The following NBEAL1 variants were observed in gnomAD, a reference collection of about 807,000 sequenced individuals.
The protein encoded by NBEAL1 is neurobeachin like 1.
Under a neutral mutation model 351.3 loss-of-function variants are expected in NBEAL1, and 273 were observed. The ratio of observed to expected loss-of-function variants is 0.78; its 90% CI spans 0.70 to 0.86. The LOEUF is 0.86. Ranked by LOEUF, NBEAL1 falls within the 40% of genes least tolerant of loss-of-function variation. The pLI, the probability that NBEAL1 is intolerant of heterozygous loss-of-function variation, is 0.00. For synonymous variants in NBEAL1, 1,050 were observed against 1,086.4 expected (o/e 0.97, Z 0.66); for missense variants, 2,961 against 3,201.3 (o/e 0.92, Z 1.81).
intron 36 of NBEAL1, among the ~76,000 whole-genome samples, chr2:203,162,181 G>A (rs913068124): frequency 1.3e-5 from 2 of 151,426 alleles, no homozygotes. Flanking sequence ...GTGCCACTAC[G>A]CCCAGCTAAT....
intron 50 of NBEAL1, among the ~76,000 whole-genome samples, chr2:203,202,248 A>G (rs952802437): frequency 2.0e-5 from 3 of 152,210 alleles, no homozygotes; most frequent in African/African-American, 7.2e-5. Context: ...TCTGCAGTTT[A>G]GGAAAAATAT....
Position 203,056,466 on chromosome 2 carries a change from C to T in NBEAL1, c.345C>T (p.Tyr115=). ...SNVEEIGTCS[Y]INYVITMTTL... ...TGGAAGAAATTGGGACTTGCTCGTA[C>T]ATTAATTATGTCATCACCATGACAA... Residue 115 remains tyrosine (Y), a synonymous_variant, in exon 5 of 56, where the codon TAC becomes TAT. Coordinates refer to ENST00000683969, the MANE Select transcript of NBEAL1 (RefSeq NM_001378026.1). The T allele has an allele frequency of 6.4e-7, 1 of 1,550,830 alleles. No individual in the cohort carries two copies. The highest frequency in any genetic ancestry group is 8.7e-7 in the Non-Finnish European group (1 of 1,144,416).
Position 203,202,792 on chromosome 2 carries a change from A to T in NBEAL1, c.7506+11A>T, listed in dbSNP as rs762803340. ...CAAATAACACAACAGGTAGTCACAC[A>T]TTTAAATGTTCTTGAATTAGGTCAG... On this transcript the variant is annotated intron_variant, in intron 51 of 55. Transcript: ENST00000683969. The T allele has an allele frequency of 1.4e-6, 2 of 1,450,984 alleles. No individual in the cohort carries two copies. The highest frequency in any genetic ancestry group is 2.3e-5 in the South Asian group (2 of 86,530). 89.9% of individuals were successfully genotyped at this position (1,450,984 alleles called of 1,614,324 possible).
At chr2:203,154,899 C>A (rs533487005) in intron 35 of NBEAL1, among the ~76,000 whole-genome samples, 1 of 142,764 alleles carries the variant, frequency 7.0e-6, no homozygotes, top group Non-Finnish European at 1.5e-5. Context: ...CGTGTCACTG[C>A]ACTCCAGCCT....
Position 203,224,780 on chromosome 2 carries a change from T to G in NBEAL1, c.*7426T>G, listed in dbSNP as rs1356422369. Among the ~76,000 whole-genome samples, 1 of 152,194 alleles carries G rather than the reference T, an allele frequency of 6.6e-6. No homozygotes were observed. The highest frequency in any genetic ancestry group is 1.5e-5 in the Non-Finnish European group (1 of 68,006). On this transcript the variant is annotated 3_prime_UTR_variant, in exon 56 of 56. Coordinates refer to ENST00000683969, the MANE Select transcript of NBEAL1 (RefSeq NM_001378026.1). Reference sequence around the variant, plus strand: ...ATATCTAATTATTGACTGTGCAAACTGTGACTCAGTGGATATTTGTATGCC... The same window carrying G: ...ATATCTAATTATTGACTGTGCAAACGGTGACTCAGTGGATATTTGTATGCC...
At position 203,062,852 on chromosome 2, in the gene NBEAL1, A is replaced by G. The variant is rs2061521991; in HGVS notation, c.515+5399A>G. Among the ~76,000 whole-genome samples, 1 of 152,186 alleles carries G rather than the reference A, an allele frequency of 6.6e-6. No individual in the cohort carries two copies. Among genetic ancestry groups the G allele is most frequent in the Non-Finnish European group, 1.5e-5 (1 of 68,036 alleles). ...TGGAATTAGGAGAAATCCATTGCTC[A>G]TGGAAGACCTATACAAAGGGATCTA... On this transcript the variant is annotated intron_variant, in intron 6 of 55. Coordinates refer to ENST00000683969, the MANE Select transcript of NBEAL1 (RefSeq NM_001378026.1). This position sits in a 1 kb window ranked among gnomAD's most constrained non-coding sequence, Gnocchi z 4.2.
At chr2:203,159,418 C>G (rs1224202431) in intron 36 of NBEAL1, among the ~76,000 whole-genome samples, 1 of 152,098 alleles carries the variant, frequency 6.6e-6, no homozygotes, top group Admixed American at 6.5e-5. Flanking sequence ...TACTTTGTCT[C>G]TGTGGATTTG....
rs575426627 is a variant in NBEAL1, at chr2:203,036,154, C to T, written c.52-5611C>T. ...TGTACAAATGGCAAGATAGGCCAGA[C>T]GCTGGTGTTTCAATAAAGCAAACTC... On this transcript the variant is annotated intron_variant, in intron 2 of 55. Transcript: ENST00000683969. 4.7e-5 allele frequency among the ~76,000 whole-genome samples: 7 copies of T among 149,302 alleles called. 1 individual carries two copies. Among genetic ancestry groups the T allele is most frequent in the African/African-American group, 9.7e-5 (4 of 41,154 alleles).
At chr2:203,170,845 G>GATA (rs1472674582) in intron 39 of NBEAL1, among the ~76,000 whole-genome samples, 1 of 152,094 alleles carries the variant, frequency 6.6e-6, no homozygotes, top group African/African-American at 2.4e-5. Context: ...ATCCTCTGAG[G>GATA]ATAATTAATG....
Position 203,136,167 on chromosome 2 carries a change from C to G in NBEAL1, c.4304C>G (p.Ser1435Trp), listed in dbSNP as rs762033620. 6.2e-7 allele frequency: 1 copy of G among 1,613,894 alleles called. No individual in the cohort carries two copies. The highest frequency in any genetic ancestry group is 1.3e-5 in the African/African-American group (1 of 75,050). The part of the protein sequence containing the change: ...STPSPVESTK[S>W]FSVHSDRESS... ...CCATCCCCAGTAGAGTCTACTAAATCGTTTTCTGTGCACTCTGACAGAGAA... is the reference window on the plus strand; with the variant it reads ...CCATCCCCAGTAGAGTCTACTAAATGGTTTTCTGTGCACTCTGACAGAGAA... The change falls in exon 28 of 56, where the codon TCG (serine) becomes TGG (tryptophan). Residue 1435 changes from serine (S) to tryptophan (W), a missense_variant. Ser to Trp is a radical substitution (Grantham distance 177). Coordinates refer to ENST00000683969, the MANE Select transcript of NBEAL1 (RefSeq NM_001378026.1).
intron 14 of NBEAL1, among the ~76,000 whole-genome samples, chr2:203,109,744 T>C (rs937631642): frequency 4.6e-5 from 7 of 152,294 alleles, no homozygotes; most frequent in African/African-American, 1.7e-4. Context: ...GGTCTCGAAC[T>C]CCTGACCTCA....
intron 3 of NBEAL1, among the ~76,000 whole-genome samples, chr2:203,045,034 C>G (rs558564044): frequency 1.3e-5 from 2 of 152,118 alleles, no homozygotes; most frequent in African/African-American, 2.4e-5. Context: ...ATGCTCATAA[C>G]GTTAGGAACA....
chr2:203,202,716 T>C lies in NBEAL1; in HGVS notation c.7441T>C (p.Cys2481Arg). The C allele has an allele frequency of 6.3e-7, 1 of 1,599,992 alleles. No homozygotes were observed. The highest frequency in any genetic ancestry group is 1.7e-5 in the Admixed American group (1 of 59,962). ...DIVTCLATDY[C>R]GIHLISGSRD... Reference sequence around the variant, plus strand: ...TGTGACTTGCTTAGCTACAGATTACTGTGGAATACATTTGATTTCTGGTTC... The same window carrying C: ...TGTGACTTGCTTAGCTACAGATTACCGTGGAATACATTTGATTTCTGGTTC... Residue 2481 changes from cysteine to arginine, a missense_variant, in exon 51 of 56, where the codon TGT (cysteine) becomes CGT (arginine). Coordinates refer to ENST00000683969, the MANE Select transcript of NBEAL1 (RefSeq NM_001378026.1).
chr2:203,058,943 T>A (rs1429346807), intron 6 of NBEAL1, among the ~76,000 whole-genome samples: 1 of 152,190 alleles, frequency 6.6e-6, no homozygotes, highest in Non-Finnish European at 1.5e-5. Context: ...AAAGAAGTGT[T>A]TCATCACTCT....
At chr2:203,037,605 T>G (rs2061060522) in intron 2 of NBEAL1, among the ~76,000 whole-genome samples, 1 of 148,898 alleles carries the variant, frequency 6.7e-6, no homozygotes, top group Admixed American at 6.8e-5. Flanking sequence ...TGTGCCCCTT[T>G]GCAGTCGGTC....
Position 203,130,469 on chromosome 2 carries a change from T to C in NBEAL1, c.3557T>C (p.Ile1186Thr). 1 of 1,425,034 alleles carries C rather than the reference T, an allele frequency of 7.0e-7. No individual in the cohort carries two copies. The highest frequency in any genetic ancestry group is 9.2e-7 in the Non-Finnish European group (1 of 1,092,130). 88.3% of individuals were successfully genotyped at this position (1,425,034 alleles called of 1,614,324 possible). The change falls in exon 25 of 56, where the codon ATT (isoleucine) becomes ACT (threonine). Residue 1186 changes from isoleucine to threonine, a missense_variant. Physicochemically the swap from Ile to Thr is moderately conservative, Grantham distance 89. Transcript: ENST00000683969. ...QKYSDRLREIIFKIMEQMLKC... is the reference protein window; with the variant it reads ...QKYSDRLREITFKIMEQMLKC... ...TACTCTGACAGACTAAGAGAAATCA[T>C]TTTTAAGGTACAAACATTTCTTAAA... is the stretch of plus-strand genomic sequence containing the variant.
At chr2:203,083,720 A>G (rs758615561) in intron 9 of NBEAL1, among the ~76,000 whole-genome samples, 195 bp downstream of exon 9, 13 of 152,262 alleles carry the variant, frequency 8.5e-5, no homozygotes, top group Non-Finnish European at 1.8e-4. Context: ...TGCTTTAACA[A>G]TAACAAAGTC....
chr2:203,070,501 C>G (rs2061664576), intron 7 of NBEAL1, among the ~76,000 whole-genome samples: 1 of 151,740 alleles, frequency 6.6e-6, no homozygotes, highest in Admixed American at 6.6e-5. Flanking sequence ...GTAGCTGGGA[C>G]TACATGAATG....
chr2:203,148,766 T>G lies in NBEAL1; in HGVS notation c.5305-225T>G, dbSNP rs528091857. Among the ~76,000 whole-genome samples the G allele has an allele frequency of 2.2e-3, 334 of 148,896 alleles. 1 individual carries two copies. Among genetic ancestry groups the G allele is most frequent in the Non-Finnish European group, 1.4e-3 (91 of 66,872 alleles). On this transcript the variant is annotated intron_variant, in intron 33 of 55. Coordinates refer to ENST00000683969, the MANE Select transcript of NBEAL1 (RefSeq NM_001378026.1). ...TCTTCACGTGTTTATTGTTGGTTGG[T>G]TTTTTTTTTAAGTTTTAAAAAATAT... is the stretch of plus-strand genomic sequence containing the variant.
Sources: allele counts gnomAD v4.1 joint callset (sites outside exome capture counted in the v4.1 genomes callset), GRCh38; gene constraint gnomAD v4.1.1; non-coding constraint Gnocchi (gnomAD v3.1); transcripts MANE v1.5; gene names NCBI Gene and HGNC (gene_info 2026-07-23, HGNC 2026-07-21).